Variants in ZFR observed in about 807,000 individuals in gnomAD.
ZFR encodes the protein zinc finger RNA binding protein, also known as zinc finger RNA-binding protein.
A neutral mutation model predicts 130.7 loss-of-function variants in ZFR; 19 were observed. That is an observed-to-expected ratio of 0.15 (90% CI 0.10 to 0.21). The LOEUF (loss-of-function observed/expected upper bound fraction) is 0.21. Ranked by LOEUF, ZFR falls within the 10% of genes least tolerant of loss-of-function variation. The pLI, the probability that ZFR is intolerant of heterozygous loss-of-function variation, is 1.00. For synonymous variants in ZFR, 466 were observed against 456.9 expected (o/e 1.02, Z -0.25); for missense variants, 872 against 1,321.5 (o/e 0.66, Z 5.27).
chr5:32,373,636 TAA>T (rs777718021), intron 17 of ZFR, among the ~76,000 whole-genome samples: 9 of 151,888 alleles, frequency 5.9e-5, no homozygotes, highest in Non-Finnish European at 1.3e-4. Context: ...CATAAGGTAA[TAA>T]GTTATTAATG....
chr5:32,378,496 T>C (rs986626225), intron 17 of ZFR, among the ~76,000 whole-genome samples: 4 of 152,272 alleles, frequency 2.6e-5, no homozygotes, highest in African/African-American at 9.6e-5. Flanking sequence ...TATTTTTTGA[T>C]GAATCCCTGT....
At chr5:32,361,113 C>T (rs1449960293) in intron 19 of ZFR, among the ~76,000 whole-genome samples, 2 of 152,222 alleles carry the variant, frequency 1.3e-5, no homozygotes, top group African/African-American at 4.8e-5. Context: ...CTGTGCCTGG[C>T]TCTAACCTGT....
At chr5:32,395,088 A>T in intron 11 of ZFR, 71 bp downstream of exon 11, 1 of 1,473,446 alleles carries the variant, frequency 6.8e-7, no homozygotes, top group African/African-American at 1.4e-5. Context: ...TGGGAGTCAC[A>T]TGCTCAGAAT....
At chr5:32,362,857 T>C (rs1674700466) in intron 19 of ZFR, among the ~76,000 whole-genome samples, 1 of 152,228 alleles carries the variant, frequency 6.6e-6, no homozygotes, top group African/African-American at 2.4e-5. Flanking sequence ...TTCTTAATGA[T>C]GAATTTTGTT....
chr5:32,419,324 A>C (rs1753902218), intron 3 of ZFR, among the ~76,000 whole-genome samples: 1 of 152,052 alleles, frequency 6.6e-6, no homozygotes, highest in South Asian at 2.1e-4. Flanking sequence ...TTATTAATAC[A>C]AAGCTCATTG....
intron 15 of ZFR, among the ~76,000 whole-genome samples, chr5:32,382,916 C>T (rs1320260115): frequency 2.0e-5 from 3 of 151,978 alleles, no homozygotes; most frequent in Non-Finnish European, 4.4e-5. Context: ...TTGCCTAACA[C>T]CCAGTTAACA....
chr5:32,431,732 C>G (rs992915045), intron 2 of ZFR, among the ~76,000 whole-genome samples: 6 of 147,408 alleles, frequency 4.1e-5, no homozygotes, highest in Non-Finnish European at 8.9e-5. Context: ...TACGAAACTA[C>G]TGACATTTAA....
chr5:32,369,390 G>A lies in ZFR; in HGVS notation c.2836-5115C>T, dbSNP rs983372358. 4.6e-5 allele frequency among the ~76,000 whole-genome samples: 7 copies of A among 152,154 alleles called. No homozygotes were observed. In the East Asian group the frequency reaches 9.6e-4, roughly 21 times the overall value. On this transcript the variant is annotated intron_variant, in intron 17 of 19. Transcript: ENST00000265069. ...AAAATACGTGAAAAGAAATGTTAACGTATTTCAACTGTTATTTGGGCAGGA... is the reference window on the plus strand; with the variant it reads ...AAAATACGTGAAAAGAAATGTTAACATATTTCAACTGTTATTTGGGCAGGA...
rs568225012 is a variant in ZFR at position 32,358,368 on chromosome 5, A to G, written c.3046-2429T>C. On this transcript the variant is annotated intron_variant, in intron 19 of 19. Transcript: ENST00000265069. The stretch of plus-strand genomic sequence containing the variant: ...AGAGACTGTCTCAAAAAATAAAAAA[A>G]GAAAATTTAAGGCCGGGCGCGGTGG... 2.6e-5 allele frequency among the ~76,000 whole-genome samples: 4 copies of G among 152,400 alleles called. No individual in the cohort carries two copies. The East Asian group carries it at 5.8e-4, about 22-fold the overall frequency.
intron 17 of ZFR, among the ~76,000 whole-genome samples, chr5:32,375,170 T>C (rs1752770715): frequency 6.6e-6 from 1 of 152,170 alleles, no homozygotes; most frequent in African/African-American, 2.4e-5. Context: ...AAGAAATCTA[T>C]TTACACAGTA....
intron 12 of ZFR, 39 bp downstream of exon 12, chr5:32,390,236 C>A (rs373464158): frequency 1.9e-6 from 3 of 1,587,900 alleles, no homozygotes; most frequent in South Asian, 1.1e-5. Flanking sequence ...CTGAACCAGT[C>A]AAACTTTCAC....
At chr5:32,360,009 T>C (rs1005542689) in intron 19 of ZFR, among the ~76,000 whole-genome samples, 1 of 151,994 alleles carries the variant, frequency 6.6e-6, no homozygotes, top group Admixed American at 6.6e-5. Context: ...AAACTTTCAC[T>C]ACATGACCAT....
intron 8 of ZFR, among the ~76,000 whole-genome samples, chr5:32,400,754 T>C (rs1753431480): frequency 2.0e-5 from 3 of 152,124 alleles, no homozygotes; most frequent in Non-Finnish European, 2.9e-5. Flanking sequence ...CTTGTGGGGC[T>C]GAGGTGGAAG....
At position 32,403,238 on chromosome 5, in the gene ZFR, C is replaced by G. The variant is rs763216791; in HGVS notation, c.1384G>C (p.Ala462Pro). 2 of 1,614,192 alleles carry G rather than the reference C, an allele frequency of 1.2e-6. No homozygotes were observed. The highest frequency in any genetic ancestry group is 2.2e-5 in the South Asian group (2 of 91,088). ...GTAAGACCCTTCATTGAAGACGTTG[C>G]AACTGATGACGTATTCACAGTACAA... ...NNCTVNTSSV[A>P]TSSMKGLTTT... Residue 462 changes from alanine to proline, a missense_variant, in exon 8 of 20, where the codon GCA (alanine) becomes CCA (proline). Physicochemically the swap from Ala to Pro is conservative, Grantham distance 27. Transcript: ENST00000265069.
At chr5:32,426,788 A>C (rs2111840338) in intron 2 of ZFR, among the ~76,000 whole-genome samples, 1 of 152,148 alleles carries the variant, frequency 6.6e-6, no homozygotes, top group South Asian at 2.1e-4. Flanking sequence ...CTGTAGCCCC[A>C]GCTACTTGGG....
chr5:32,389,495 A>T (rs1753114115), intron 12 of ZFR, among the ~76,000 whole-genome samples: 1 of 152,188 alleles, frequency 6.6e-6, no homozygotes. Context: ...AGTAAGAATA[A>T]ATCTAAATAC....
chr5:32,426,287 T>G (rs1754070423), intron 2 of ZFR, among the ~76,000 whole-genome samples: 1 of 151,596 alleles, frequency 6.6e-6, no homozygotes, highest in Admixed American at 6.6e-5. Context: ...GGTGACAAGT[T>G]CAACATATAA....
At chr5:32,417,321 C>T (rs1369944317) in intron 4 of ZFR, among the ~76,000 whole-genome samples, 1 of 152,052 alleles carries the variant, frequency 6.6e-6, no homozygotes, top group Non-Finnish European at 1.5e-5. Context: ...GTTACAAAGG[C>T]TGTTTGTTGG....
intron 2 of ZFR, among the ~76,000 whole-genome samples, chr5:32,437,099 C>G (rs1754355639): frequency 6.6e-6 from 1 of 152,186 alleles, no homozygotes; most frequent in Non-Finnish European, 1.5e-5. Context: ...AGATATTTGT[C>G]TTGGCTCAAT....
Sources: allele counts gnomAD v4.1 joint callset (sites outside exome capture counted in the v4.1 genomes callset), GRCh38; gene constraint gnomAD v4.1.1; transcripts MANE v1.5; gene names NCBI Gene and HGNC (gene_info 2026-07-23, HGNC 2026-07-21).